The following DHX57 variants were observed in gnomAD, a reference collection of about 807,000 sequenced individuals.
The protein encoded by DHX57 is DExH-box helicase 57, also known as putative ATP-dependent RNA helicase DHX57.
A neutral mutation model predicts 156.2 loss-of-function variants in DHX57; 105 were observed. The observed-to-expected ratio is 0.67, with a 90% CI of 0.57 to 0.79. DHX57 has a LOEUF of 0.79. Among genes scored for constraint, DHX57 ranks in the 30% least tolerant of loss-of-function variants. DHX57 has a pLI of 0.00. For synonymous variants in DHX57, 704 were observed against 595.6 expected (o/e 1.18, Z -2.65); for missense variants, 1,847 against 1,661.9 (o/e 1.11, Z -1.94).
In DHX57 at chr2:38,855,154, C is replaced by T. The variant is rs1465826030; in HGVS notation, c.1808G>A (p.Arg603Gln). ...TTCAGCAACAGAGATTGCAGAGATT[C>T]GTCGGGGTTGGGTACAGATGATGTT... ...VANIICTQPRRISAISVAERV... is the reference protein window; with the variant it reads ...VANIICTQPRQISAISVAERV... Residue 603 changes from arginine (R) to glutamine (Q), a missense_variant, in exon 8 of 24, where the codon CGA (arginine) becomes CAA (glutamine). Physicochemically the swap from Arg to Gln is conservative, Grantham distance 43. Transcript: ENST00000457308. 3 of 1,613,994 alleles carry T rather than the reference C, an allele frequency of 1.9e-6. No homozygotes were observed. The highest frequency in any genetic ancestry group is 1.1e-5 in the South Asian group (1 of 91,080).
chr2:38,817,151 C>T (rs527733978), intron 19 of DHX57, among the ~76,000 whole-genome samples: 3 of 151,818 alleles, frequency 2.0e-5, no homozygotes, highest in East Asian at 1.9e-4. Flanking sequence ...GGGCTGGTCT[C>T]GAACTCCTGG....
At chr2:38,842,176 A>C (rs1334695407) in intron 12 of DHX57, among the ~76,000 whole-genome samples, 2 of 152,208 alleles carry the variant, frequency 1.3e-5, no homozygotes, top group African/African-American at 4.8e-5. Context: ...CCAGCCAAAA[A>C]TGTATAACCT....
intron 11 of DHX57, among the ~76,000 whole-genome samples, chr2:38,846,362 C>G (rs1672288272): frequency 6.6e-6 from 1 of 152,024 alleles, no homozygotes; most frequent in African/African-American, 2.4e-5. Context: ...TGGCTCATGA[C>G]TGTAATCCCA....
At chr2:38,811,006 G>T in intron 21 of DHX57, 1 of 744,850 alleles carries the variant, frequency 1.3e-6, no homozygotes, top group Non-Finnish European at 2.4e-6. Flanking sequence ...ACTCAGTCTT[G>T]AAAATGTTGG....
chr2:38,858,476 A>T (rs1352623862), intron 6 of DHX57, among the ~76,000 whole-genome samples, 185 bp downstream of exon 6: 1 of 152,234 alleles, frequency 6.6e-6, no homozygotes, highest in Non-Finnish European at 1.5e-5. Context: ...TGTACCAGCT[A>T]TAGGATTTTC....
intron 13 of DHX57, among the ~76,000 whole-genome samples, chr2:38,835,553 T>A (rs938069721): frequency 6.6e-6 from 1 of 152,188 alleles, no homozygotes; most frequent in African/African-American, 2.4e-5. Context: ...CCAAAGACAC[T>A]GAAGTGATCT....
At chr2:38,860,050 G>T (rs979788196) in intron 5 of DHX57, among the ~76,000 whole-genome samples, 11 of 152,040 alleles carry the variant, frequency 7.2e-5, no homozygotes, top group Non-Finnish European at 1.3e-4. Flanking sequence ...AACTCCTGGG[G>T]TCAAGCAGTG....
In DHX57 at chr2:38,852,135, G is replaced by A. The variant is rs906837091; in HGVS notation, c.2030+1919C>T. ...TCATATTTCTTATTTACTAATAATA[G>A]TAATGTATTATTTCTTCTAATAGTT... is the stretch of plus-strand genomic sequence containing the variant. On this transcript the variant is annotated intron_variant, in intron 9 of 23. Coordinates refer to ENST00000457308, the MANE Select transcript of DHX57 (RefSeq NM_198963.3). 2.0e-5 allele frequency among the ~76,000 whole-genome samples: 3 copies of A among 148,920 alleles called. No homozygotes were observed. In the East Asian group the frequency reaches 5.8e-4, roughly 29 times the overall value.
chr2:38,856,451 T>C lies in DHX57; in HGVS notation c.1598A>G (p.Gln533Arg), dbSNP rs1448222305. Residue 533 changes from glutamine (Q) to arginine (R), a missense_variant, in exon 7 of 24, where the codon CAG (glutamine) becomes CGG (arginine). Gln to Arg is a conservative substitution (Grantham distance 43). Transcript: ENST00000457308. ...KQFRMKQASR[Q>R]FQSILQERQS... ...CCTCTCTTGCAGAATGGACTGGAAC[T>C]GTCTGGAAGCCTAATAAAATCAAAG... 1.3e-6 allele frequency: 2 copies of C among 1,599,910 alleles called. No homozygotes were observed. Among genetic ancestry groups the C allele is most frequent in the Non-Finnish European group, 1.7e-6 (2 of 1,176,550 alleles).
intron 22 of DHX57, among the ~76,000 whole-genome samples, chr2:38,803,688 C>A (rs902997116): frequency 6.6e-6 from 1 of 151,566 alleles, no homozygotes; most frequent in Non-Finnish European, 1.5e-5. Flanking sequence ...GGGATTTCAT[C>A]ATGCTGGCCA....
chr2:38,817,917 C>G (rs1421921911), intron 19 of DHX57, among the ~76,000 whole-genome samples: 2 of 151,760 alleles, frequency 1.3e-5, no homozygotes, highest in Non-Finnish European at 2.9e-5. Context: ...AGGATGGTCT[C>G]AAATTCCTGG....
intron 21 of DHX57, among the ~76,000 whole-genome samples, chr2:38,807,167 G>T (rs887198285): frequency 4.6e-5 from 7 of 151,690 alleles, no homozygotes; most frequent in Admixed American, 3.3e-4. Flanking sequence ...CAATTCTCCT[G>T]CATTAGGCTC....
chr2:38,862,541 T>C, intron 3 of DHX57: 2 of 420,678 alleles, frequency 4.8e-6, no homozygotes, highest in East Asian at 3.7e-5. Context: ...AAGTGCTTTA[T>C]ATGAACTAAC....
intron 20 of DHX57, among the ~76,000 whole-genome samples, chr2:38,814,913 G>C (rs368607485): frequency 1.3e-3 from 197 of 152,040 alleles, no homozygotes; most frequent in African/African-American, 4.5e-3. Flanking sequence ...GTAAAGACAG[G>C]GTTTCTCCAT....
intron 13 of DHX57, among the ~76,000 whole-genome samples, chr2:38,836,684 G>A (rs189038056): frequency 1.5e-4 from 23 of 151,200 alleles, no homozygotes; most frequent in African/African-American, 5.1e-4. Flanking sequence ...TGAGGCCAGA[G>A]GACTGCTTGA....
chr2:38,864,588 C>T (rs1363344341), intron 2 of DHX57, among the ~76,000 whole-genome samples: 1 of 152,020 alleles, frequency 6.6e-6, no homozygotes, highest in African/African-American at 2.4e-5. Flanking sequence ...ATCATTCCAG[C>T]ACTTATCCCC....
chr2:38,858,557 G>C, intron 6 of DHX57, 104 bp downstream of exon 6: 1 of 1,424,284 alleles, frequency 7.0e-7, no homozygotes, highest in South Asian at 1.4e-5. Flanking sequence ...GGGAGAAAAA[G>C]AACCAGAAGA....
At position 38,854,047 on chromosome 2, in the gene DHX57, G is replaced by C. The variant is rs143530770; in HGVS notation, c.2030+7C>G. 141 of 1,601,306 alleles carry C rather than the reference G, an allele frequency of 8.8e-5. No homozygotes were observed. In the African/African-American group the frequency reaches 1.7e-3, roughly 19 times the overall value. ...GTGTGTGTTCCCTGGGAAAGTCTTTGTTTTACCTTTCTTCTGTCCTCTCAT... is the reference window on the plus strand; with the variant it reads ...GTGTGTGTTCCCTGGGAAAGTCTTTCTTTTACCTTTCTTCTGTCCTCTCAT... On this transcript the variant is annotated splice_region_variant and intron_variant, in intron 9 of 23. Coordinates refer to ENST00000457308, the MANE Select transcript of DHX57 (RefSeq NM_198963.3).
chr2:38,865,849 A>G (rs558452461), intron 2 of DHX57, among the ~76,000 whole-genome samples: 1 of 152,314 alleles, frequency 6.6e-6, no homozygotes, highest in African/African-American at 2.4e-5. Context: ...TCTATTTTAT[A>G]TCTACACTTG....
Sources: allele counts gnomAD v4.1 joint callset (sites outside exome capture counted in the v4.1 genomes callset), GRCh38; gene constraint gnomAD v4.1.1; transcripts MANE v1.5; gene names NCBI Gene and HGNC (gene_info 2026-07-23, HGNC 2026-07-21).